The following PAK6 variants were observed in gnomAD, a reference collection of about 807,000 sequenced individuals.
The protein encoded by PAK6 is serine/threonine-protein kinase PAK 6.
PAK6 carries 33 observed loss-of-function variants against 60.8 expected under a neutral mutation model. The ratio of observed to expected loss-of-function variants is 0.54; its 90% CI spans 0.41 to 0.73. The LOEUF (loss-of-function observed/expected upper bound fraction) is 0.73, where lower values mean the gene tolerates loss of function less well. Ranked by LOEUF, PAK6 falls within the 30% of genes least tolerant of loss-of-function variation. PAK6 has a pLI of 0.00. For missense variants in PAK6, 845 were observed against 904.1 expected (o/e 0.93, Z 0.84); for synonymous variants, 404 against 378.5 (o/e 1.07, Z -0.78).
exon 5 of PAK6, chr15:40,266,106 C>G: frequency 6.2e-7 from 1 of 1,608,572 alleles, no homozygotes; most frequent in Non-Finnish European, 8.5e-7. Flanking sequence ...AGGCCACAAG[C>G]AGATGCCGTG....
At chr15:40,268,091 C>T (rs1239670709) in intron 5 of PAK6, among the ~76,000 whole-genome samples, 1 of 152,280 alleles carries the variant, frequency 6.6e-6, no homozygotes, top group African/African-American at 2.4e-5. Flanking sequence ...GCCGGGATGT[C>T]CCCCATACTT....
chr15:40,252,257 G>C, intron 2 of PAK6: 1 of 1,198,456 alleles, frequency 8.3e-7, no homozygotes, highest in East Asian at 5.8e-5. Flanking sequence ...CGATGCCAGT[G>C]AACGAGGTGA....
At chr15:40,275,166 T>C (rs4924443) in intron 10 of PAK6, among the ~76,000 whole-genome samples, 101,752 of 151,836 alleles carry the variant, frequency 0.67, 35,313 homozygotes, top group Admixed American at 0.78. Flanking sequence ...AAGCCCTTGC[T>C]TTAGACTCTT....
chr15:40,275,832 A>C, intron 10 of PAK6, 95 bp from the exon 11 acceptor site: 3 of 1,219,832 alleles, frequency 2.5e-6, no homozygotes. Flanking sequence ...AAAACCAGCG[A>C]ATTCATGACT....
intron 2 of PAK6, among the ~76,000 whole-genome samples, chr15:40,249,092 T>C (rs1281869779): frequency 1.3e-5 from 2 of 152,192 alleles, no homozygotes; most frequent in Non-Finnish European, 2.9e-5. Context: ...AGGGCCTGCT[T>C]CCAGGTTCAG....
At chr15:40,276,749 C>CGTGTGTGTGTGTGTGTGTGTGTGTGT (rs58716292) in exon 11 of PAK6, 9 of 134,512 alleles carry the variant, frequency 6.7e-5, no homozygotes, top group African/African-American at 1.7e-4. Context: ...GAGAGAACAT[C>CGTGTGTGTGTGTGTGTGTGTGTGTGT]GTGTGTGTGT....
chr15:40,248,391 G>C (rs1186059380), intron 2 of PAK6, among the ~76,000 whole-genome samples: 1 of 152,178 alleles, frequency 6.6e-6, no homozygotes, highest in Non-Finnish European at 1.5e-5. Context: ...TCTCTCCCAG[G>C]CTTCGGGCTC....
At chr15:40,250,009 G>A (rs1055906692) in intron 2 of PAK6, among the ~76,000 whole-genome samples, 7 of 152,252 alleles carry the variant, frequency 4.6e-5, no homozygotes, top group Non-Finnish European at 8.8e-5. Flanking sequence ...AGCAGCCAAG[G>A]CTCCTCAAAG....
chr15:40,267,773 C>G (rs1372684170), intron 5 of PAK6, among the ~76,000 whole-genome samples: 1 of 152,176 alleles, frequency 6.6e-6, no homozygotes, highest in Non-Finnish European at 1.5e-5. Context: ...GTGAGAGGAA[C>G]ACGAGCATCT....
chr15:40,270,883 T>C (rs1278968010), intron 5 of PAK6, among the ~76,000 whole-genome samples: 1 of 152,128 alleles, frequency 6.6e-6, no homozygotes, highest in East Asian at 1.9e-4. Flanking sequence ...GTAGAAGCCC[T>C]GAAGCTGCGG....
chr15:40,276,221 G>C (rs2039451979), exon 11 of PAK6: 1 of 943,532 alleles, frequency 1.1e-6, no homozygotes, highest in East Asian at 2.5e-5. Context: ...TGAAGCCCCA[G>C]CCCCACCCTC....
chr15:40,272,323 C>T (rs200107644), exon 6 of PAK6: 2 of 1,613,980 alleles, frequency 1.2e-6, no homozygotes, highest in African/African-American at 1.3e-5. Flanking sequence ...GACCTTCAGC[C>T]CTCTGACCAC....
intron 2 of PAK6, among the ~76,000 whole-genome samples, chr15:40,242,723 C>T (rs2038389937): frequency 6.6e-6 from 1 of 152,174 alleles, no homozygotes; most frequent in African/African-American, 2.4e-5. Flanking sequence ...GTGCCCTCCA[C>T]CCCACCAGAG....
At chr15:40,260,105 C>T (rs934410855) in intron 3 of PAK6, 1 of 152,190 alleles carries the variant, frequency 6.6e-6, no homozygotes, top group Admixed American at 6.5e-5. Context: ...CAGGTTTAGG[C>T]CCCAGCAGGT....
chr15:40,271,723 G>C (rs565552540), intron 5 of PAK6, among the ~76,000 whole-genome samples: 1 of 150,422 alleles, frequency 6.6e-6, no homozygotes, highest in Admixed American at 6.6e-5. Flanking sequence ...CCTTGGTTCA[G>C]GGAGTGGAGA....
At chr15:40,254,229 G>A (rs2038774730) in intron 3 of PAK6, among the ~76,000 whole-genome samples, 1 of 152,142 alleles carries the variant, frequency 6.6e-6, no homozygotes, top group Non-Finnish European at 1.5e-5. Flanking sequence ...TCCTCATTAG[G>A]CGGTTGTGGG....
intron 4 of PAK6, among the ~76,000 whole-genome samples, chr15:40,265,445 T>A (rs1595591766): frequency 6.6e-6 from 1 of 152,186 alleles, no homozygotes. Context: ...CCAGTGTGTG[T>A]GGAGGAGCCC....
intron 3 of PAK6, among the ~76,000 whole-genome samples, chr15:40,261,698 C>T (rs1391559358): frequency 6.6e-6 from 1 of 152,118 alleles, no homozygotes; most frequent in Non-Finnish European, 1.5e-5. Flanking sequence ...TAGCTGCCTC[C>T]CTTTAGGTGG....
intron 5 of PAK6, among the ~76,000 whole-genome samples, chr15:40,271,943 GGA>G (rs2039314612): frequency 2.0e-5 from 3 of 152,194 alleles, no homozygotes; most frequent in African/African-American, 7.2e-5. Context: ...GACCCGGCGG[GGA>G]GCTGGCCTTC....
Sources: allele counts gnomAD v4.1 joint callset (sites outside exome capture counted in the v4.1 genomes callset), GRCh38; gene constraint gnomAD v4.1.1; transcripts MANE v1.5; gene names NCBI Gene and HGNC (gene_info 2026-07-23, HGNC 2026-07-21).